ROBO2: variants seen among roughly 807,000 people sequenced by gnomAD.
The protein encoded by ROBO2 is roundabout homolog 2.
A neutral mutation model predicts 160.8 loss-of-function variants in ROBO2; 53 were observed. The ratio of observed to expected loss-of-function variants is 0.33; its 90% CI spans 0.26 to 0.41. The LOEUF (loss-of-function observed/expected upper bound fraction) is 0.41. Among genes scored for constraint, ROBO2 ranks in the 10% least tolerant of loss-of-function variants. The pLI is 1.00. For synonymous variants in ROBO2, 664 were observed against 611.7 expected (o/e 1.09, Z -1.26); for missense variants, 1,577 against 1,722.4 (o/e 0.92, Z 1.49).
At chr3:77,533,298 G>A (rs2091882375) in intron 6 of ROBO2, among the ~76,000 whole-genome samples, 1 of 152,008 alleles carries the variant, frequency 6.6e-6, no homozygotes, top group Non-Finnish European at 1.5e-5. Context: ...AATAAGGATG[G>A]TTTTCAGGTG....
intron 2 of ROBO2, among the ~76,000 whole-genome samples, chr3:77,176,909 T>A (rs537655506): frequency 1.3e-5 from 2 of 152,106 alleles, no homozygotes; most frequent in East Asian, 3.9e-4. Context: ...TGATATGGTC[T>A]GTTTGTAGAA....
chr3:77,051,132 G>A (rs2065192283), intron 1 of ROBO2, among the ~76,000 whole-genome samples: 1 of 152,024 alleles, frequency 6.6e-6, no homozygotes, highest in Non-Finnish European at 1.5e-5. Context: ...GATTTAACTG[G>A]GTTATTCCTC....
chr3:77,303,852 G>A (rs1372640374), intron 2 of ROBO2, among the ~76,000 whole-genome samples: 1 of 151,886 alleles, frequency 6.6e-6, no homozygotes, highest in African/African-American at 2.4e-5. Context: ...ATGTATCTGG[G>A]GACATGGAAG....
At chr3:77,410,699 TTCCTCC>T (rs1213707755) in intron 2 of ROBO2, among the ~76,000 whole-genome samples, 2 of 41,014 alleles carry the variant, frequency 4.9e-5, no homozygotes, top group East Asian at 8.4e-4. Flanking sequence ...CCTCCTCCTC[TTCCTCC>T]TCCTCCTCCT....
intron 2 of ROBO2, among the ~76,000 whole-genome samples, chr3:76,360,574 A>T (rs2075452069): frequency 6.6e-6 from 1 of 152,128 alleles, no homozygotes; most frequent in Non-Finnish European, 1.5e-5. Flanking sequence ...AATTATAGTC[A>T]TCTAACAATA....
chr3:76,156,229 G>C (rs943874955), intron 2 of ROBO2, among the ~76,000 whole-genome samples: 4 of 151,878 alleles, frequency 2.6e-5, no homozygotes, highest in African/African-American at 9.7e-5. Flanking sequence ...TCTTGTAAGA[G>C]AACCATACAC....
intron 2 of ROBO2, among the ~76,000 whole-genome samples, chr3:76,238,542 C>T (rs1333301828): frequency 6.6e-6 from 1 of 151,622 alleles, no homozygotes; most frequent in African/African-American, 2.4e-5. Context: ...AATCACCTCC[C>T]CCCAGGTCTC....
rs142201978 is a variant in ROBO2, at chr3:76,542,810, T to C, written c.110-555204T>C. ...CTTCCCCTAACCACTCTACTGATAATGTACTTGCCAAGATGTTTAAAGCCT... is the reference window on the plus strand; with the variant it reads ...CTTCCCCTAACCACTCTACTGATAACGTACTTGCCAAGATGTTTAAAGCCT... On this transcript the variant is annotated intron_variant, in intron 2 of 26. Coordinates refer to the ROBO2 transcript ENST00000487694. 2.7e-4 allele frequency among the ~76,000 whole-genome samples: 41 copies of C among 152,308 alleles called. 2 individuals carry two copies. The South Asian group carries it at 2.7e-3, about 10-fold the overall frequency.
intron 1 of ROBO2, among the ~76,000 whole-genome samples, chr3:77,077,061 G>A (rs144733268): frequency 1.6e-3 from 251 of 152,272 alleles, no homozygotes; most frequent in African/African-American, 5.3e-3. Context: ...CATACAGCAC[G>A]TGTGAAATAG....
chr3:76,368,476 T>C (rs1291223296), intron 2 of ROBO2, among the ~76,000 whole-genome samples: 2 of 151,868 alleles, frequency 1.3e-5, no homozygotes, highest in African/African-American at 4.8e-5. Context: ...TGAAGCAGCT[T>C]TACTCACAAA....
intron 11 of ROBO2, among the ~76,000 whole-genome samples, chr3:77,563,578 A>T (rs1022790154): frequency 1.3e-5 from 2 of 152,132 alleles, no homozygotes; most frequent in African/African-American, 4.8e-5. Context: ...ATAATCACTT[A>T]GCTCCATTCT....
At chr3:76,869,488 T>C (rs907982079) in intron 2 of ROBO2, among the ~76,000 whole-genome samples, 57 of 151,522 alleles carry the variant, frequency 3.8e-4, no homozygotes, top group African/African-American at 1.3e-3. Context: ...TAGCTGGGAC[T>C]ACAGGCTCCC....
intron 2 of ROBO2, among the ~76,000 whole-genome samples, chr3:77,216,878 T>TA (rs1253070716): frequency 2.0e-5 from 3 of 151,994 alleles, no homozygotes; most frequent in African/African-American, 7.2e-5. Flanking sequence ...TTACTGTATT[T>TA]AAAAAAAATC....
chr3:76,625,926 G>A (rs1036740282), intron 2 of ROBO2, among the ~76,000 whole-genome samples: 1 of 152,144 alleles, frequency 6.6e-6, no homozygotes, highest in Non-Finnish European at 1.5e-5. Flanking sequence ...TGAAGGGTAA[G>A]GGCAAAGGTC....
Position 77,002,385 on chromosome 3 carries a change from CTT to C in ROBO2, c.110-95628_110-95627del, listed in dbSNP as rs529558757. 5.2e-3 allele frequency among the ~76,000 whole-genome samples: 789 copies of C among 151,686 alleles called. 9 individuals carry two copies. The highest frequency in any genetic ancestry group is 0.018 in the African/African-American group (751 of 41,424). On this transcript the variant is annotated intron_variant, in intron 2 of 26. Transcript: ENST00000487694. Reference sequence around the variant, plus strand: ...ACTCTGGCTATATTTAAGGGTGTGACTTATATTGATAATACATTATTTTGTAT... The same window carrying C: ...ACTCTGGCTATATTTAAGGGTGTGACATATTGATAATACATTATTTTGTAT...
intron 2 of ROBO2, among the ~76,000 whole-genome samples, chr3:77,410,856 T>C (rs990386723): frequency 1.1e-4 from 17 of 149,930 alleles, no homozygotes; most frequent in Admixed American, 1.3e-4. Flanking sequence ...CAGGCTGGAG[T>C]GCAGTGGTGT....
At chr3:77,310,450 A>T (rs187361540) in intron 2 of ROBO2, among the ~76,000 whole-genome samples, 26 of 152,304 alleles carry the variant, frequency 1.7e-4, no homozygotes, top group African/African-American at 5.8e-4. Context: ...AAGGCAATGG[A>T]TCTAATTCTG....
At chr3:76,541,280 C>T (rs568934411) in intron 2 of ROBO2, among the ~76,000 whole-genome samples, 7 of 152,138 alleles carry the variant, frequency 4.6e-5, no homozygotes, top group African/African-American at 1.7e-4. Flanking sequence ...ACATCTAATA[C>T]TCTTTACATT....
intron 2 of ROBO2, among the ~76,000 whole-genome samples, chr3:76,007,749 A>G (rs1360804066): frequency 1.3e-5 from 2 of 152,206 alleles, no homozygotes; most frequent in African/African-American, 2.4e-5. Context: ...AAAGACATGG[A>G]GAAATTTATT....
Sources: allele counts gnomAD v4.1 joint callset (sites outside exome capture counted in the v4.1 genomes callset), GRCh38; gene constraint gnomAD v4.1.1; transcripts MANE v1.5; gene names NCBI Gene and HGNC (gene_info 2026-07-23, HGNC 2026-07-21).